PRDM11: variants seen among roughly 807,000 people sequenced by gnomAD.
PRDM11 encodes PR/SET domain 11.
Under a neutral mutation model 97.8 loss-of-function variants are expected in PRDM11, and 20 were observed. The ratio of observed to expected loss-of-function variants is 0.20; its 90% CI spans 0.14 to 0.30. PRDM11 has a LOEUF of 0.30. PRDM11 is among the 10% of genes least tolerant of loss of function. PRDM11 has a pLI of 1.00. For missense variants in PRDM11, 1,139 were observed against 1,555.2 expected (o/e 0.73, Z 4.50); for synonymous variants, 599 against 637.7 (o/e 0.94, Z 0.91).
At chr11:45,109,821 G>T (rs1590342228) in intron 1 of PRDM11, among the ~76,000 whole-genome samples, 1 of 152,160 alleles carries the variant, frequency 6.6e-6, no homozygotes, top group African/African-American at 2.4e-5. Context: ...GTGGGCTTTT[G>T]TCTCTAAAAT....
chr11:45,114,814 C>T (rs1852265822), intron 1 of PRDM11, among the ~76,000 whole-genome samples: 1 of 151,538 alleles, frequency 6.6e-6, no homozygotes, highest in Non-Finnish European at 1.5e-5. Flanking sequence ...CTTTAATGTG[C>T]TGAAAGGGAA....
intron 1 of PRDM11, among the ~76,000 whole-genome samples, chr11:45,103,225 C>T (rs149153324): frequency 5.8e-4 from 89 of 152,290 alleles, no homozygotes; most frequent in African/African-American, 2.1e-3. Flanking sequence ...CTGACCACCC[C>T]GCCGGGCCTG....
intron 1 of PRDM11, among the ~76,000 whole-genome samples, chr11:45,159,067 C>T (rs1283604337): frequency 6.6e-6 from 1 of 152,184 alleles, no homozygotes; most frequent in Non-Finnish European, 1.5e-5. Context: ...TGGCCCAGCT[C>T]CCAGGGGTCT....
In PRDM11 at chr11:45,232,562, C is replaced by T. The variant is rs1854418986; in HGVS notation, c.*4403C>T. On this transcript the variant is annotated 3_prime_UTR_variant, in exon 8 of 8. Transcript: ENST00000683152. ...AACAGCTGAAACAGGCAGGCCAGTCCTCCTCAGACAAGAAAGGGGTTTTCA... is the reference window on the plus strand; with the variant it reads ...AACAGCTGAAACAGGCAGGCCAGTCTTCCTCAGACAAGAAAGGGGTTTTCA... 1 of 152,398 alleles carries T rather than the reference C, an allele frequency of 6.6e-6. No individual in the cohort carries two copies. The allele number at this position is 152,398 out of a possible 1,614,324, so 9.4% of individuals were successfully genotyped here.
chr11:45,199,544 T>C (rs1453417487), intron 4 of PRDM11, among the ~76,000 whole-genome samples: 1 of 152,198 alleles, frequency 6.6e-6, no homozygotes, highest in Admixed American at 6.5e-5. Context: ...TCAGCCTGGT[T>C]CCGGGTTATC....
chr11:45,113,947 CA>C (rs576876650), intron 1 of PRDM11, among the ~76,000 whole-genome samples: 1 of 151,546 alleles, frequency 6.6e-6, no homozygotes, highest in Non-Finnish European at 1.5e-5. Context: ...GGTATACAGT[CA>C]TATCATCAGT....
At chr11:45,162,910 C>G (rs754721576) in intron 1 of PRDM11, among the ~76,000 whole-genome samples, 1 of 152,256 alleles carries the variant, frequency 6.6e-6, no homozygotes, top group Non-Finnish European at 1.5e-5. Context: ...TCCAGGCTCT[C>G]TGCATGTCGG....
At position 45,233,547 on chromosome 11, in the gene PRDM11, T is replaced by C. The variant is rs1854441539; in HGVS notation, c.*5388T>C. 1 of 152,162 alleles carries C rather than the reference T, an allele frequency of 6.6e-6. No individual in the cohort carries two copies. Among genetic ancestry groups the C allele is most frequent in the Non-Finnish European group, 1.5e-5 (1 of 68,068 alleles). 9.4% of individuals were successfully genotyped at this position (152,162 alleles called of 1,614,324 possible). A position where few individuals can be genotyped will look rare whatever the true frequency, so the allele number is the denominator to read the frequency against. Reference sequence around the variant, plus strand: ...CCGCACCAGGACTGAGCAGCGTCAGTGGCAATAGGAAAGGTCCAAACTGGA... The same window carrying C: ...CCGCACCAGGACTGAGCAGCGTCAGCGGCAATAGGAAAGGTCCAAACTGGA... On this transcript the variant is annotated 3_prime_UTR_variant, in exon 8 of 8. Transcript: ENST00000683152.
chr11:45,158,416 G>A (rs1256857089), intron 1 of PRDM11, among the ~76,000 whole-genome samples: 4 of 152,234 alleles, frequency 2.6e-5, no homozygotes, highest in South Asian at 2.1e-4. Context: ...GCAGCAGGCC[G>A]GGCTGTCTGG....
At chr11:45,180,768 G>A (rs1345106528) in intron 1 of PRDM11, among the ~76,000 whole-genome samples, 6 of 150,184 alleles carry the variant, frequency 4.0e-5, no homozygotes, top group South Asian at 2.1e-4. Context: ...GCCCGCGCCC[G>A]CCCCGGCCGC....
intron 1 of PRDM11, among the ~76,000 whole-genome samples, chr11:45,125,407 T>C (rs1386952831): frequency 5.9e-5 from 9 of 152,180 alleles, no homozygotes; most frequent in African/African-American, 2.2e-4. Context: ...GCTCTTGCTT[T>C]TCTAGTTCTT....
At chr11:45,207,226 G>A (rs1853547029) in intron 5 of PRDM11, among the ~76,000 whole-genome samples, 1 of 152,210 alleles carries the variant, frequency 6.6e-6, no homozygotes, top group Admixed American at 6.5e-5. Context: ...CCGTGGTGTG[G>A]CTCTTTCTGA....
intron 1 of PRDM11, among the ~76,000 whole-genome samples, chr11:45,107,164 C>G (rs998265882): frequency 1.3e-5 from 2 of 152,180 alleles, no homozygotes; most frequent in Non-Finnish European, 2.9e-5. Flanking sequence ...CACGTTAGCA[C>G]ACCAGGGTCA....
chr11:45,142,554 C>A (rs1590374396), upstream of PRDM11, among the ~76,000 whole-genome samples: 1 of 152,174 alleles, frequency 6.6e-6, no homozygotes, highest in East Asian at 1.9e-4. Context: ...ACAGGAGGGA[C>A]TAATGGGGGA....
intron 1 of PRDM11, among the ~76,000 whole-genome samples, chr11:45,154,495 G>C (rs1851741078): frequency 6.6e-6 from 1 of 152,184 alleles, no homozygotes; most frequent in Non-Finnish European, 1.5e-5. Context: ...AATGATACTG[G>C]GTACGGGAAG....
At chr11:45,225,825 C>G (rs909858085) in intron 7 of PRDM11, among the ~76,000 whole-genome samples, 170 bp from the exon 8 acceptor site, 1 of 152,168 alleles carries the variant, frequency 6.6e-6, no homozygotes, top group African/African-American at 2.4e-5. Context: ...CATGGGCAAG[C>G]AGGAGTGCTC....
At position 45,207,134 on chromosome 11, in the gene PRDM11, C is replaced by T. The variant is rs183644432; in HGVS notation, c.554+2356C>T. On this transcript the variant is annotated intron_variant, in intron 5 of 7. Coordinates refer to ENST00000683152, the MANE Select transcript of PRDM11 (RefSeq NM_001384648.1). ...GGGTTAGGGATGCAGTTTGTTGCCA[C>T]GGAGACGCCCCTCCTGTTGCTGTTG... is the stretch of plus-strand genomic sequence containing the variant. Among the ~76,000 whole-genome samples the T allele has an allele frequency of 6.6e-5, 10 of 152,318 alleles. No homozygotes were observed. The South Asian group carries it at 8.3e-4, about 13-fold the overall frequency.
At chr11:45,218,164 A>G (rs188313334) in intron 5 of PRDM11, among the ~76,000 whole-genome samples, 14 of 152,272 alleles carry the variant, frequency 9.2e-5, no homozygotes, top group African/African-American at 3.4e-4. Context: ...AGACATTTAA[A>G]TGTTTTGCCT....
intron 4 of PRDM11, among the ~76,000 whole-genome samples, chr11:45,184,811 G>A (rs1436626837): frequency 2.6e-5 from 4 of 152,172 alleles, no homozygotes; most frequent in Admixed American, 2.6e-4. Context: ...ATGTTGCTTA[G>A]TGAGTCACCT....
Sources: allele counts gnomAD v4.1 joint callset (sites outside exome capture counted in the v4.1 genomes callset), GRCh38; gene constraint gnomAD v4.1.1; transcripts MANE v1.5; gene names NCBI Gene and HGNC (gene_info 2026-07-23, HGNC 2026-07-21).